The following SMG7 variants were observed in gnomAD, a reference collection of about 807,000 sequenced individuals.
SMG7 encodes the protein nonsense-mediated mRNA decay factor SMG7.
In SMG7, 34 loss-of-function variants were observed where a neutral mutation model predicts 148.2. The observed-to-expected ratio is 0.23, with a 90% CI of 0.17 to 0.31. The LOEUF (loss-of-function observed/expected upper bound fraction) is 0.31, where lower values mean the gene tolerates loss of function less well. Among genes scored for constraint, SMG7 ranks in the 10% least tolerant of loss-of-function variants. The pLI, the probability that SMG7 is intolerant of heterozygous loss-of-function variation, is 1.00. For missense variants in SMG7, 1,114 were observed against 1,408.4 expected (o/e 0.79, Z 3.35); for synonymous variants, 492 against 515.1 (o/e 0.96, Z 0.61).
At chr1:183,494,757 T>G (rs1245079606) in intron 1 of SMG7, among the ~76,000 whole-genome samples, 1 of 17,100 alleles carries the variant, frequency 5.8e-5, no homozygotes, top group East Asian at 1.1e-3. Context: ...GCCCTTGTTC[T>G]TTTTTTTTTT....
intron 10 of SMG7, among the ~76,000 whole-genome samples, chr1:183,536,175 T>C (rs905298686): frequency 6.6e-6 from 1 of 152,106 alleles, no homozygotes; most frequent in African/African-American, 2.4e-5. Context: ...AGCTTCATAT[T>C]AAGGAGAATG....
At position 183,515,881 on chromosome 1, in the gene SMG7, G is replaced by A; in HGVS notation, c.69G>A (p.Lys23=). 6.2e-7 allele frequency: 1 copy of A among 1,609,898 alleles called. No homozygotes were observed. The highest frequency in any genetic ancestry group is 8.5e-7 in the Non-Finnish European group (1 of 1,177,006). ...EVLKADMTDS[K]LGPAEVWTSR... Reference sequence around the variant, plus strand: ...TTTGTTTTTGTTACTCAGATTCTAAGCTGGGTCCAGCTGAAGTCTGGACAT... The same window carrying A: ...TTTGTTTTTGTTACTCAGATTCTAAACTGGGTCCAGCTGAAGTCTGGACAT... The change falls in exon 3 of 23, where the codon AAG becomes AAA. Residue 23 remains lysine (K), a synonymous_variant. Coordinates refer to ENST00000688051, the MANE Select transcript of SMG7 (RefSeq NM_001375584.1).
intron 10 of SMG7, among the ~76,000 whole-genome samples, chr1:183,536,530 G>A (rs1667822703): frequency 6.6e-6 from 1 of 152,118 alleles, no homozygotes; most frequent in Admixed American, 6.5e-5. Flanking sequence ...CAAGGACACA[G>A]TTAACAAATA....
At chr1:183,513,472 A>C (rs1171028691) in intron 2 of SMG7, 2 of 152,088 alleles carry the variant, frequency 1.3e-5, no homozygotes, top group East Asian at 1.9e-4. Context: ...CCCTGGTTCA[A>C]GCGATTCTCC....
intron 8 of SMG7, among the ~76,000 whole-genome samples, chr1:183,531,979 G>A (rs1666951386): frequency 6.6e-6 from 1 of 152,140 alleles, no homozygotes; most frequent in African/African-American, 2.4e-5. Context: ...TTGGAAAAGG[G>A]CTAATCATTC....
chr1:183,517,339 T>C (rs186954868), intron 3 of SMG7, among the ~76,000 whole-genome samples: 1 of 152,352 alleles, frequency 6.6e-6, no homozygotes, highest in African/African-American at 2.4e-5. Flanking sequence ...GCACTATATG[T>C]AGAAATTTGT....
chr1:183,482,218 T>G (rs1161127666), intron 1 of SMG7, among the ~76,000 whole-genome samples: 1 of 150,932 alleles, frequency 6.6e-6, no homozygotes, highest in East Asian at 2.0e-4. Context: ...CTGCATTTTT[T>G]TGTGTGGGGG....
chr1:183,520,944 G>A (rs1055768596), intron 4 of SMG7, among the ~76,000 whole-genome samples: 10 of 151,998 alleles, frequency 6.6e-5, no homozygotes, highest in Non-Finnish European at 1.5e-4. Context: ...AATAAGCATT[G>A]ATTCTCCCCG....
chr1:183,549,899 T>G lies in SMG7; in HGVS notation c.3109T>G (p.Ser1037Ala). The G allele has an allele frequency of 6.2e-7, 1 of 1,613,838 alleles. No homozygotes were observed. Among genetic ancestry groups the G allele is most frequent in the Non-Finnish European group, 8.5e-7 (1 of 1,179,762 alleles). ...TTCCCTTTTTGAAGGGACTCCGTGGTCTCCATCACTTCCTGCCAGTTCAGG... is the reference window on the plus strand; with the variant it reads ...TTCCCTTTTTGAAGGGACTCCGTGGGCTCCATCACTTCCTGCCAGTTCAGG... The part of the protein sequence containing the change: ...LYSLFEGTPW[S>A]PSLPASSDHS... The change falls in exon 20 of 23, where the codon TCT (serine) becomes GCT (alanine). Residue 1037 changes from serine (S) to alanine (A), a missense_variant. Around this residue, in one of 4 missense-constraint regions of SMG7, gnomAD observed 788 missense variants for 894.5 expected, o/e 0.88. Coordinates refer to ENST00000688051, the MANE Select transcript of SMG7 (RefSeq NM_001375584.1).
At chr1:183,498,169 G>C (rs937306717) in intron 1 of SMG7, among the ~76,000 whole-genome samples, 3 of 152,108 alleles carry the variant, frequency 2.0e-5, no homozygotes, top group African/African-American at 7.2e-5. Context: ...TTATCTACCT[G>C]TTCCAAGTTA....
chr1:183,492,690 G>C (rs1357426907), intron 1 of SMG7, among the ~76,000 whole-genome samples: 1 of 152,040 alleles, frequency 6.6e-6, no homozygotes, highest in Non-Finnish European at 1.5e-5. Flanking sequence ...CTTATTTTCT[G>C]TGTCTTTGTT....
Position 183,551,125 on chromosome 1 carries a change from G to T in SMG7, c.3385G>T (p.Gly1129Cys). ...SSWHQASTPS[G>C]TWTGHGPSME... ...TTGGCATCAGGCCAGCACTCCGAGT[G>T]GCACCTGGACAGGCCATGGCCCTTC... Residue 1129 changes from glycine to cysteine, a missense_variant, in exon 22 of 23, where the codon GGC becomes TGC. Gly to Cys is a radical substitution (Grantham distance 159). This residue lies in a region of SMG7 where 788 missense variants were observed against 894.5 expected (regional missense o/e 0.88). Transcript: ENST00000688051. 1 of 1,609,602 alleles carries T rather than the reference G, an allele frequency of 6.2e-7. No individual in the cohort carries two copies. Among genetic ancestry groups the T allele is most frequent in the Non-Finnish European group, 8.5e-7 (1 of 1,178,872 alleles).
At chr1:183,519,251 T>C (rs1291410536) in intron 4 of SMG7, among the ~76,000 whole-genome samples, 1 of 152,182 alleles carries the variant, frequency 6.6e-6, no homozygotes, top group Non-Finnish European at 1.5e-5. Context: ...AGATTATTTA[T>C]GTTTTACTTA....
chr1:183,549,743 C>A, intron 19 of SMG7, 21 bp from the exon 20 acceptor site: 1 of 1,607,052 alleles, frequency 6.2e-7, no homozygotes, highest in Non-Finnish European at 8.5e-7. Flanking sequence ...GAGTTTATAA[C>A]TTCACTGTCA....
rs1050192705 is a variant in SMG7 at position 183,513,230 on chromosome 1, A to C, written c.61+362A>C. 3.6e-4 allele frequency: 64 copies of C among 179,108 alleles called. 1 individual carries two copies. In the Admixed American group the frequency reaches 3.7e-3, roughly 10 times the overall value. The allele number at this position is 179,108 out of a possible 1,614,324, so 11.1% of individuals were successfully genotyped here. ...GTGTTAGGCTAATATCTTTCTGGGA[A>C]ATTTTTTTTTCTATTAATAATTAAC... On this transcript the variant is annotated intron_variant, in intron 2 of 22. Coordinates refer to ENST00000688051, the MANE Select transcript of SMG7 (RefSeq NM_001375584.1).
At chr1:183,519,444 A>G (rs1415208152) in intron 4 of SMG7, among the ~76,000 whole-genome samples, 2 of 151,738 alleles carry the variant, frequency 1.3e-5, no homozygotes, top group Non-Finnish European at 2.9e-5. Flanking sequence ...TCATTTTACA[A>G]GTAGCTGTCA....
At chr1:183,504,983 C>T (rs1660576357) in intron 1 of SMG7, among the ~76,000 whole-genome samples, 1 of 152,072 alleles carries the variant, frequency 6.6e-6, no homozygotes, top group South Asian at 2.1e-4. Context: ...TCTTCCAGAA[C>T]AGTGCTGTCA....
rs973316868 is a variant in SMG7, at chr1:183,541,159, TGCGCGCACACGC to T, written c.1415+67_1415+78del. ...TTAACCACCTTTTTAGATAAACACA[TGCGCGCACACGC>T]GCGCGCACACACACACATCTCATAT... On this transcript the variant is annotated intron_variant, in intron 13 of 22. Transcript: ENST00000688051. 37 of 1,546,544 alleles carry T rather than the reference TGCGCGCACACGC, an allele frequency of 2.4e-5. No individual in the cohort carries two copies. In the Admixed American group the frequency reaches 4.2e-4, roughly 18 times the overall value.
intron 4 of SMG7, among the ~76,000 whole-genome samples, chr1:183,521,523 T>C (rs1485126473): frequency 6.6e-6 from 1 of 152,198 alleles, no homozygotes; most frequent in African/African-American, 2.4e-5. Context: ...ATTGAGAAAG[T>C]AGACAAATTC....
Sources: gnomAD v4.1 joint callset for allele counts (sites outside exome capture counted in the v4.1 genomes callset) on GRCh38, gnomAD v4.1.1 for gene constraint, gnomAD v4.1.1 regional missense constraint, MANE v1.5 for transcripts, NCBI Gene and HGNC (gene_info 2026-07-23, HGNC 2026-07-21) for gene names.